EPB41L2: variants seen among roughly 807,000 people sequenced by gnomAD.
EPB41L2 encodes erythrocyte membrane protein band 4.1 like 2.
Under a neutral mutation model 113.0 loss-of-function variants are expected in EPB41L2, and 43 were observed. The ratio of observed to expected loss-of-function variants is 0.38; its 90% CI spans 0.30 to 0.49. EPB41L2 has a LOEUF of 0.49. Ranked by LOEUF, EPB41L2 falls within the 20% of genes least tolerant of loss-of-function variation. The pLI is 0.95. For synonymous variants in EPB41L2, 442 were observed against 436.7 expected (o/e 1.01, Z -0.15); for missense variants, 1,147 against 1,223.4 (o/e 0.94, Z 0.93).
At chr6:130,885,746 T>C (rs1451387044) in intron 11 of EPB41L2, among the ~76,000 whole-genome samples, 1 of 152,204 alleles carries the variant, frequency 6.6e-6, no homozygotes, top group African/African-American at 2.4e-5. Context: ...TTGAATACCC[T>C]TCAAAAGAAA....
intron 1 of EPB41L2, among the ~76,000 whole-genome samples, chr6:131,057,450 T>C (rs535771027): frequency 6.6e-6 from 1 of 152,284 alleles, no homozygotes; most frequent in Admixed American, 6.5e-5. Flanking sequence ...AACAAAGAAT[T>C]ATGGCAGAGT....
intron 4 of EPB41L2, among the ~76,000 whole-genome samples, chr6:130,925,493 T>C (rs1804416739): frequency 6.6e-6 from 1 of 152,158 alleles, no homozygotes; most frequent in African/African-American, 2.4e-5. Flanking sequence ...TTAGCCCAGA[T>C]TTCTTAATGT....
chr6:130,900,492 A>G (rs915814760), intron 7 of EPB41L2, among the ~76,000 whole-genome samples: 3 of 152,200 alleles, frequency 2.0e-5, no homozygotes, highest in Non-Finnish European at 4.4e-5. Flanking sequence ...TCATCTTCCA[A>G]CGGAATCACC....
At chr6:130,992,187 C>A (rs965927804) in intron 1 of EPB41L2, among the ~76,000 whole-genome samples, 1 of 152,130 alleles carries the variant, frequency 6.6e-6, no homozygotes, top group Non-Finnish European at 1.5e-5. Flanking sequence ...TTCACACTCA[C>A]ACATTTGATA....
intron 3 of EPB41L2, among the ~76,000 whole-genome samples, chr6:130,951,778 G>A (rs980183827): frequency 4.6e-5 from 7 of 151,836 alleles, no homozygotes; most frequent in African/African-American, 7.3e-5. Flanking sequence ...GACTTAATTG[G>A]CCAATGAAAT....
At chr6:130,861,388 C>A (rs149203404) in intron 18 of EPB41L2, among the ~76,000 whole-genome samples, 1 of 151,608 alleles carries the variant, frequency 6.6e-6, no homozygotes, top group Non-Finnish European at 1.5e-5. Flanking sequence ...TTCCTTTTAA[C>A]GTAGGCAAGG....
Position 130,955,369 on chromosome 6 carries a change from G to GAC in EPB41L2, c.493-54_493-53dup, listed in dbSNP as rs748917242. The GAC allele has an allele frequency of 9.8e-6, 15 of 1,524,320 alleles. No homozygotes were observed. The South Asian group carries it at 1.5e-4, about 15-fold the overall frequency. The allele number at this position is 1,524,320 out of a possible 1,614,324, so 94.4% of individuals were successfully genotyped here. On this transcript the variant is annotated intron_variant, in intron 2 of 19. Transcript: ENST00000337057. Reference sequence around the variant, plus strand: ...TACTATAGTCAACCACCTTGCAGATGACAACATACTAAAAGGAAAATCTTT... The same window carrying GAC: ...TACTATAGTCAACCACCTTGCAGATGACACAACATACTAAAAGGAAAATCTTT...
intron 1 of EPB41L2, among the ~76,000 whole-genome samples, chr6:131,030,855 C>T (rs570224284): frequency 4.0e-5 from 6 of 151,556 alleles, no homozygotes; most frequent in Non-Finnish European, 8.8e-5. Flanking sequence ...GCAGGCAGAT[C>T]GCTTGAGCTC....
chr6:131,019,860 T>C (rs964906693), intron 1 of EPB41L2, among the ~76,000 whole-genome samples: 4 of 152,302 alleles, frequency 2.6e-5, no homozygotes, highest in Middle Eastern at 3.4e-3. Context: ...CAGGGTTATG[T>C]TAGCTTAAAA....
In EPB41L2 at chr6:130,878,229, C is replaced by T; in HGVS notation, c.1918G>A (p.Asp640Asn). The change falls in exon 14 of 20, where the codon GAC (aspartate) becomes AAC (asparagine). Residue 640 changes from aspartate (D) to asparagine (N), a missense_variant. By Grantham distance (23) the Asp-to-Asn change is conservative (BLOSUM62 1). Transcript: ENST00000337057. The stretch of plus-strand genomic sequence containing the variant: ...ATGCTAGCCTGATGTTTCAGTATGT[C>T]CTCCTGGGCCTTATCCAGTTCCTAG... ...MLEELDKAQE[D>N]ILKHQASISE... 6.2e-7 allele frequency: 1 copy of T among 1,612,176 alleles called. No individual in the cohort carries two copies. The highest frequency in any genetic ancestry group is 8.5e-7 in the Non-Finnish European group (1 of 1,179,300).
chr6:131,060,949 T>C (rs1298989850), intron 1 of EPB41L2, among the ~76,000 whole-genome samples: 1 of 152,238 alleles, frequency 6.6e-6, no homozygotes, highest in African/African-American at 2.4e-5. Context: ...AAAATTTTAC[T>C]GAAATTATAG....
chr6:130,883,690 T>A (rs986012796), intron 12 of EPB41L2, among the ~76,000 whole-genome samples: 1 of 152,230 alleles, frequency 6.6e-6, no homozygotes, highest in Non-Finnish European at 1.5e-5. Context: ...CCTGGGTGCC[T>A]TGTTAGCAAA....
intron 3 of EPB41L2, among the ~76,000 whole-genome samples, chr6:130,941,677 G>C (rs1279890257): frequency 6.6e-6 from 1 of 152,102 alleles, no homozygotes. Context: ...AGTAGATGGT[G>C]GTAACACTCA....
At chr6:131,047,904 GC>G (rs34938209) in intron 1 of EPB41L2, among the ~76,000 whole-genome samples, 3,364 of 152,210 alleles carry the variant, frequency 0.022, 68 homozygotes, top group South Asian at 0.092. Flanking sequence ...CACTTGGGAG[GC>G]CAAGGCAGGT....
intron 4 of EPB41L2, among the ~76,000 whole-genome samples, chr6:130,921,043 G>A (rs73617149): frequency 0.01 from 1,572 of 152,052 alleles, 38 homozygotes; most frequent in African/African-American, 0.036. Flanking sequence ...CTCTCCCCTC[G>A]CTGTCATAGC....
At chr6:130,921,261 C>T (rs1213254113) in intron 4 of EPB41L2, among the ~76,000 whole-genome samples, 1 of 152,144 alleles carries the variant, frequency 6.6e-6, no homozygotes, top group Non-Finnish European at 1.5e-5. Flanking sequence ...GCAAATCTGA[C>T]CACGTTACTT....
At chr6:130,976,694 A>C (rs1778275882) in intron 1 of EPB41L2, among the ~76,000 whole-genome samples, 1 of 152,230 alleles carries the variant, frequency 6.6e-6, no homozygotes, top group African/African-American at 2.4e-5. Context: ...CTCTTAACAA[A>C]TCCTTCTTGT....
At chr6:131,032,321 G>A (rs931304466) in intron 1 of EPB41L2, among the ~76,000 whole-genome samples, 1 of 151,668 alleles carries the variant, frequency 6.6e-6, no homozygotes, top group Non-Finnish European at 1.5e-5. Flanking sequence ...CAGCTCCCGA[G>A]AATGTAAAGG....
chr6:131,026,734 C>CCA (rs1479679792), intron 1 of EPB41L2, among the ~76,000 whole-genome samples: 1 of 152,188 alleles, frequency 6.6e-6, no homozygotes, highest in Non-Finnish European at 1.5e-5. Context: ...TTTCACCATA[C>CCA]CACACCTTAA....
Sources: allele counts gnomAD v4.1 joint callset (sites outside exome capture counted in the v4.1 genomes callset), GRCh38; gene constraint gnomAD v4.1.1; transcripts MANE v1.5; gene names NCBI Gene and HGNC (gene_info 2026-07-23, HGNC 2026-07-21).